Variants in RCAN2 observed in about 807,000 individuals in gnomAD.
The protein encoded by RCAN2 is calcipressin-2.
A neutral mutation model predicts 23.6 loss-of-function variants in RCAN2; 9 were observed. The observed-to-expected ratio is 0.38, with a 90% CI of 0.23 to 0.67. The LOEUF is 0.67. RCAN2 is among the 30% of genes least tolerant of loss of function. The probability of loss-of-function intolerance (pLI) is 0.51; values close to 1 mark genes in which losing one functional copy is unlikely to be tolerated. For missense variants in RCAN2, 273 were observed against 302.3 expected (o/e 0.90, Z 0.72); for synonymous variants, 109 against 115.7 (o/e 0.94, Z 0.37).
intron 2 of RCAN2, among the ~76,000 whole-genome samples, chr6:46,355,511 C>T (rs547625753): frequency 2.0e-5 from 3 of 152,266 alleles, no homozygotes; most frequent in South Asian, 2.1e-4. Flanking sequence ...TGTCTATGTC[C>T]GTTCTCCCTC....
At chr6:46,407,353 C>G (rs1766431694) in intron 2 of RCAN2, among the ~76,000 whole-genome samples, 1 of 152,204 alleles carries the variant, frequency 6.6e-6, no homozygotes, top group Admixed American at 6.5e-5. Context: ...GCAGCAACCA[C>G]TCATACAAAG....
In RCAN2 at chr6:46,236,350, C is replaced by CT. The variant is rs200507977; in HGVS notation, c.571+10397dup. On this transcript the variant is annotated intron_variant, in intron 4 of 4. Transcript: ENST00000371374. ...CTGTCATCACTGGCAATTTTCTCTC[C>CT]TTTTTTTCCTCTTTCCTAACCTTTT... Among the ~76,000 whole-genome samples, 5 of 152,122 alleles carry CT rather than the reference C, an allele frequency of 3.3e-5. No homozygotes were observed. The South Asian group carries it at 1.0e-3, about 31-fold the overall frequency.
chr6:46,243,808 T>C (rs1246314794), intron 4 of RCAN2, among the ~76,000 whole-genome samples: 1 of 7,520 alleles, frequency 1.3e-4, no homozygotes, highest in Non-Finnish European at 3.2e-4. Context: ...AGATTCTGTC[T>C]CAAAAAAAAA....
chr6:46,256,478 C>A (rs1766921206), intron 2 of RCAN2, among the ~76,000 whole-genome samples: 1 of 152,062 alleles, frequency 6.6e-6, no homozygotes, highest in African/African-American at 2.4e-5. Flanking sequence ...CAGATCCAGG[C>A]CGAACTCAGG....
chr6:46,339,032 A>AC (rs1764225993), intron 2 of RCAN2, among the ~76,000 whole-genome samples: 1 of 150,992 alleles, frequency 6.6e-6, no homozygotes, highest in Non-Finnish European at 1.5e-5. Flanking sequence ...AAAAAAAAAA[A>AC]AAAAAAAGAA....
intron 2 of RCAN2, among the ~76,000 whole-genome samples, chr6:46,335,136 A>T (rs913781582): frequency 2.0e-5 from 3 of 152,206 alleles, no homozygotes; most frequent in African/African-American, 7.2e-5. Context: ...AAACTGGGTC[A>T]AAAGCACCAG....
At chr6:46,320,383 C>T (rs1027749368) in intron 2 of RCAN2, among the ~76,000 whole-genome samples, 1 of 152,156 alleles carries the variant, frequency 6.6e-6, no homozygotes, top group African/African-American at 2.4e-5. Context: ...TCCTTCTCCT[C>T]CTATCACTCT....
intron 4 of RCAN2, among the ~76,000 whole-genome samples, chr6:46,246,496 T>C (rs1447932510): frequency 6.6e-6 from 1 of 152,202 alleles, no homozygotes; most frequent in Admixed American, 6.5e-5. Context: ...TCTTAAAATA[T>C]CTGCATTGCA....
chr6:46,461,968 C>A (rs532482635), intron 1 of RCAN2, among the ~76,000 whole-genome samples: 2 of 152,166 alleles, frequency 1.3e-5, no homozygotes, highest in Non-Finnish European at 2.9e-5. Context: ...CTTTTGAAGG[C>A]CCCCCTCTGC....
At chr6:46,357,872 C>A (rs146621648) in intron 2 of RCAN2, among the ~76,000 whole-genome samples, 48 of 152,276 alleles carry the variant, frequency 3.2e-4, no homozygotes, top group Middle Eastern at 3.4e-3. Flanking sequence ...ATTTAAAGTA[C>A]TTTCGCTTTC....
chr6:46,406,853 C>G lies in RCAN2; in HGVS notation c.225+49899G>C, dbSNP rs78748576. Reference sequence around the variant, plus strand: ...TTTCTTTATGTTACAAAAACTTAGACAGGTAGCAGATAGCTTCCCCAAGAT... The same window carrying G: ...TTTCTTTATGTTACAAAAACTTAGAGAGGTAGCAGATAGCTTCCCCAAGAT... On this transcript the variant is annotated intron_variant, in intron 2 of 4. Transcript: ENST00000371374. Among the ~76,000 whole-genome samples, 714 of 152,276 alleles carry G rather than the reference C, an allele frequency of 4.7e-3. 7 individuals carry two copies. The highest frequency in any genetic ancestry group is 0.015 in the African/African-American group (632 of 41,550).
At chr6:46,255,597 A>C (rs1766882618) in intron 2 of RCAN2, among the ~76,000 whole-genome samples, 1 of 152,152 alleles carries the variant, frequency 6.6e-6, no homozygotes, top group Admixed American at 6.5e-5. Context: ...GTGATGGATG[A>C]CAGGGTGAGG....
In RCAN2 at chr6:46,246,770, A is replaced by G. The variant is rs773136113; in HGVS notation, c.549T>C (p.Tyr183=). 5.4e-5 allele frequency: 87 copies of G among 1,613,610 alleles called. No individual in the cohort carries two copies. The highest frequency in any genetic ancestry group is 7.3e-5 in the Non-Finnish European group (86 of 1,179,846). The change falls in exon 4 of 5, where the codon TAT becomes TAC. Residue 183 remains tyrosine (Y), a synonymous_variant. Coordinates refer to ENST00000371374, the MANE Select transcript of RCAN2 (RefSeq NM_001251974.2). The stretch of plus-strand genomic sequence containing the variant: ...TACCTGGTCCTAGTTTGGCCACAGC[A>G]TAGAGGAGGTCATAGTTGAGGACTG... ...ATPVLNYDLL[Y]AVAKLGPGEK...
At chr6:46,240,161 G>T (rs934614019) in intron 4 of RCAN2, among the ~76,000 whole-genome samples, 7 of 152,104 alleles carry the variant, frequency 4.6e-5, no homozygotes, top group African/African-American at 1.7e-4. Context: ...CATATTAGGG[G>T]CCCAGCCTCC....
chr6:46,285,693 C>T (rs1369195117), intron 2 of RCAN2, among the ~76,000 whole-genome samples: 1 of 152,030 alleles, frequency 6.6e-6, no homozygotes, highest in Non-Finnish European at 1.5e-5. Context: ...ATTTTTCTAC[C>T]AGATCTTTGC....
In RCAN2 at chr6:46,255,153, G is replaced by T. The variant is rs72861658; in HGVS notation, c.226-6257C>A. Among the ~76,000 whole-genome samples, 1,202 of 152,278 alleles carry T rather than the reference G, an allele frequency of 7.9e-3. 8 individuals are homozygous for T. Among genetic ancestry groups the T allele is most frequent in the Middle Eastern group, 0.048 (14 of 294 alleles). On this transcript the variant is annotated intron_variant, in intron 2 of 4. Transcript: ENST00000371374. ...CTACAGAACCAGATGACTCTGGGAAGAATACAGAGCACCTAATATAATTAC... is the reference window on the plus strand; with the variant it reads ...CTACAGAACCAGATGACTCTGGGAATAATACAGAGCACCTAATATAATTAC...
At chr6:46,388,601 CAGAATACTATGCAGCCATTAAA>C (rs1347107335) in intron 2 of RCAN2, among the ~76,000 whole-genome samples, 2 of 152,086 alleles carry the variant, frequency 1.3e-5, no homozygotes, top group Non-Finnish European at 2.9e-5. Flanking sequence ...ATACACACCA[CAGAATACTATGCAGCCATTAAA>C]AGGAATGAGA....
intron 2 of RCAN2, among the ~76,000 whole-genome samples, chr6:46,288,129 C>T (rs940947321): frequency 5.9e-5 from 9 of 152,292 alleles, no homozygotes; most frequent in Non-Finnish European, 8.8e-5. Context: ...AGCAGACTCC[C>T]TCTTTTTGCT....
At chr6:46,354,893 A>ATGTG (rs1764775699) in intron 2 of RCAN2, among the ~76,000 whole-genome samples, 1 of 132,238 alleles carries the variant, frequency 7.6e-6, no homozygotes, top group Admixed American at 7.9e-5. Context: ...GAAAAAGATT[A>ATGTG]TATATGTGTG....
Sources: gnomAD v4.1 joint callset for allele counts (sites outside exome capture counted in the v4.1 genomes callset) on GRCh38, gnomAD v4.1.1 for gene constraint, MANE v1.5 for transcripts, NCBI Gene and HGNC (gene_info 2026-07-23, HGNC 2026-07-21) for gene names.